MDGA2: variants seen among roughly 807,000 people sequenced by gnomAD.
The protein encoded by MDGA2 is MAM domain containing glycosylphosphatidylinositol anchor 2.
Under a neutral mutation model 117.8 loss-of-function variants are expected in MDGA2, and 40 were observed. That is an observed-to-expected ratio of 0.34 (90% confidence interval 0.26 to 0.44). The LOEUF is 0.44. MDGA2 is among the 20% of genes least tolerant of loss of function. MDGA2 has a pLI of 1.00. For synonymous variants in MDGA2, 452 were observed against 439.0 expected, an observed-to-expected ratio of 1.03 and a Z score of -0.37; for missense variants, 1,123 against 1,250.6, an observed-to-expected ratio of 0.90 and a Z score of 1.54.
chr14:46,870,044 C>G (rs1375023838), intron 14 of MDGA2, among the ~76,000 whole-genome samples: 1 of 151,882 alleles, frequency 6.6e-6, no homozygotes, highest in African/African-American at 2.4e-5. Flanking sequence ...GCCAAAGGCA[C>G]TCAGTTGAGC....
intron 1 of MDGA2, among the ~76,000 whole-genome samples, chr14:47,668,038 C>A (rs1898007926): frequency 6.6e-6 from 1 of 152,108 alleles, no homozygotes; most frequent in East Asian, 1.9e-4. Flanking sequence ...TGTGTAATAG[C>A]CAAAAATATG....
At chr14:47,648,134 T>C (rs1260565180) in intron 1 of MDGA2, among the ~76,000 whole-genome samples, 1 of 152,184 alleles carries the variant, frequency 6.6e-6, no homozygotes, top group Non-Finnish European at 1.5e-5. Context: ...GGTTTGCCTA[T>C]GTCATACTGT....
chr14:47,512,565 A>G (rs184712918), intron 1 of MDGA2, among the ~76,000 whole-genome samples: 2 of 152,324 alleles, frequency 1.3e-5, no homozygotes, highest in East Asian at 1.9e-4. Flanking sequence ...GCTTTGTTCT[A>G]TCGACATCAT....
intron 1 of MDGA2, among the ~76,000 whole-genome samples, chr14:47,396,833 C>T (rs1434305263): frequency 2.0e-5 from 3 of 152,086 alleles, no homozygotes; most frequent in Non-Finnish European, 4.4e-5. Context: ...AGTTAGGAAA[C>T]AACAGATGCT....
intron 1 of MDGA2, among the ~76,000 whole-genome samples, chr14:47,577,961 A>G (rs908559299): frequency 1.3e-5 from 2 of 152,210 alleles, no homozygotes; most frequent in Non-Finnish European, 2.9e-5. Flanking sequence ...CGGCAAAGAC[A>G]CATGCACACT....
At chr14:47,309,965 T>TA (rs1566732474) in intron 1 of MDGA2, among the ~76,000 whole-genome samples, 1 of 152,166 alleles carries the variant, frequency 6.6e-6, no homozygotes, top group African/African-American at 2.4e-5. Context: ...ATTTTCTGTG[T>TA]AAAAACTATC....
At chr14:47,044,293 G>C (rs956187737) in intron 7 of MDGA2, among the ~76,000 whole-genome samples, 4 of 151,902 alleles carry the variant, frequency 2.6e-5, no homozygotes, top group African/African-American at 9.7e-5. Context: ...TTTTTATAAT[G>C]TTAGTACATC....
chr14:47,107,933 CA>C, intron 5 of MDGA2, among the ~76,000 whole-genome samples: 1 of 151,502 alleles, frequency 6.6e-6, no homozygotes, highest in Admixed American at 6.6e-5. Context: ...TCCGTTCTGT[CA>C]GACATAATTC....
chr14:47,280,039 T>C (rs1382182217), intron 2 of MDGA2, among the ~76,000 whole-genome samples: 1 of 151,562 alleles, frequency 6.6e-6, no homozygotes, highest in Non-Finnish European at 1.5e-5. Flanking sequence ...GCCAGGCACA[T>C]GGCTCACGCC....
chr14:47,596,954 C>G (rs1286150297), intron 1 of MDGA2, among the ~76,000 whole-genome samples: 1 of 152,102 alleles, frequency 6.6e-6, no homozygotes, highest in Non-Finnish European at 1.5e-5. Flanking sequence ...TCTGTAAGAG[C>G]CCTGCTCTGC....
intron 1 of MDGA2, among the ~76,000 whole-genome samples, chr14:47,495,002 GTA>G (rs997943787): frequency 5.9e-5 from 9 of 151,532 alleles, no homozygotes; most frequent in African/African-American, 1.9e-4. Flanking sequence ...TATAGTGTAT[GTA>G]TGTGTGTGTA....
chr14:47,508,943 G>T (rs1365681370), intron 1 of MDGA2, among the ~76,000 whole-genome samples: 1 of 152,150 alleles, frequency 6.6e-6, no homozygotes, highest in Non-Finnish European at 1.5e-5. Flanking sequence ...ACCCGCCTCG[G>T]CCTCCCAAAG....
intron 1 of MDGA2, among the ~76,000 whole-genome samples, chr14:47,332,515 C>A (rs1446028622): frequency 6.6e-6 from 1 of 151,786 alleles, no homozygotes; most frequent in Admixed American, 6.6e-5. Flanking sequence ...GAACTTTGGT[C>A]ATCATCAAGT....
intron 2 of MDGA2, among the ~76,000 whole-genome samples, chr14:47,253,472 G>T (rs562612690): frequency 5.9e-5 from 9 of 152,314 alleles, no homozygotes; most frequent in African/African-American, 1.7e-4. Context: ...ATTCAGTAGG[G>T]CAATCATTAA....
intron 13 of MDGA2, chr14:46,873,803 A>ACCTTG (rs1882113574): frequency 1.7e-6 from 1 of 581,188 alleles, no homozygotes. Flanking sequence ...AATGTATAAA[A>ACCTTG]AGTTGAAATT....
At position 47,495,120 on chromosome 14, in the gene MDGA2, A is replaced by C. The variant is rs560402028; in HGVS notation, c.280+179397T>G. On this transcript the variant is annotated intron_variant, in intron 1 of 16. Coordinates refer to ENST00000399232, the MANE Select transcript of MDGA2 (RefSeq NM_001113498.3). ...GAATAAAATTGTCTCTTTTGCAGCA[A>C]CATGGGTGGAACTGGAAGCAATTAT... Among the ~76,000 whole-genome samples the C allele has an allele frequency of 5.3e-4, 80 of 152,232 alleles. 1 individual carries two copies. Among genetic ancestry groups the C allele is most frequent in the African/African-American group, 1.8e-3 (75 of 41,554 alleles).
At chr14:47,282,232 G>A (rs958081814) in intron 2 of MDGA2, among the ~76,000 whole-genome samples, 1 of 152,004 alleles carries the variant, frequency 6.6e-6, no homozygotes, top group African/African-American at 2.4e-5. Flanking sequence ...GTTTTCATGG[G>A]CTGGTGTTAT....
chr14:47,323,149 GATAT>G (rs58765297), intron 1 of MDGA2, among the ~76,000 whole-genome samples: 1,532 of 107,148 alleles, frequency 0.014, 20 homozygotes, highest in African/African-American at 0.029. Context: ...AAGAGTCATG[GATAT>G]ATATATATAT....
chr14:47,379,526 C>G (rs1891562838), intron 1 of MDGA2, among the ~76,000 whole-genome samples: 1 of 152,076 alleles, frequency 6.6e-6, no homozygotes, highest in Admixed American at 6.6e-5. Flanking sequence ...GGAGGAAGAT[C>G]TACCAAGCAA....
Sources: allele counts gnomAD v4.1 joint callset (sites outside exome capture counted in the v4.1 genomes callset), GRCh38; gene constraint gnomAD v4.1.1; transcripts MANE v1.5; gene names NCBI Gene and HGNC (gene_info 2026-07-23, HGNC 2026-07-21).